USP11: variants seen among roughly 807,000 people sequenced by gnomAD.
USP11 encodes ubiquitin specific peptidase 11.
In USP11, 5 loss-of-function variants were observed where a neutral mutation model predicts 72.8. That is an observed-to-expected ratio of 0.07 (90% CI 0.04 to 0.14). The LOEUF is 0.14. Among genes scored for constraint, USP11 ranks in the 10% least tolerant of loss-of-function variants. USP11 has a pLI of 1.00. For synonymous variants in USP11, 368 were observed against 326.5 expected (o/e 1.13, Z -1.37); for missense variants, 480 against 794.7 (o/e 0.60, Z 4.76).
chrX:47,240,268 C>T (rs1032760214), intron 4 of USP11, 37 bp from the exon 5 acceptor site: 9 of 1,199,322 alleles, frequency 7.5e-6, no homozygotes, highest in Middle Eastern at 2.3e-4. Context: ...TTTTGGGTCT[C>T]ACAAAGATCT....
At chrX:47,239,958 A>G (rs924416789) in intron 4 of USP11, 51 bp downstream of exon 4, 3 of 1,106,505 alleles carry the variant, frequency 2.7e-6, no homozygotes, top group Admixed American at 2.2e-5. Context: ...ACTAGTCCCA[A>G]CTCAGTGACT....
rs149757747 is a variant in USP11, at chrX:47,233,024, G to A, written c.-20G>A. ...CCAATCTCGCACAGCTGCGTTGGCT[G>A]TAGAAGAGAACGGACGGCGATGGCG... On this transcript the variant is annotated 5_prime_UTR_variant, in exon 1 of 21. Transcript: ENST00000377107. The A allele has an allele frequency of 7.0e-4, 845 of 1,210,532 alleles. No individual in the cohort carries two copies. The highest frequency in any genetic ancestry group is 9.0e-4 in the Non-Finnish European group (808 of 895,324).
At chrX:47,247,473 G>A (rs1336425789) in intron 19 of USP11, 54 bp downstream of exon 19, 6 of 1,173,248 alleles carry the variant, frequency 5.1e-6, no homozygotes, top group African/African-American at 3.6e-5. Flanking sequence ...GCAGGGGGGC[G>A]ATCAGGACCT....
chrX:47,241,488 C>G (rs1307422504), intron 8 of USP11, 38 bp downstream of exon 8: 1 of 1,190,179 alleles, frequency 8.4e-7, no homozygotes, highest in South Asian at 1.9e-5. Flanking sequence ...CCCCCTACGT[C>G]TCTTGGCTCT....
At position 47,244,678 on chromosome X, in the gene USP11, C is replaced by T; in HGVS notation, c.1844-4C>T. ...TTCCCATCTCTGACATCCTCCTGTC[C>T]TAGAAGATGACGAGGAGGATAAAGA... On this transcript the variant is annotated splice_polypyrimidine_tract_variant and splice_region_variant and intron_variant, in intron 14 of 20. Coordinates refer to ENST00000377107, the MANE Select transcript of USP11 (RefSeq NM_001371072.1). 2 of 1,208,158 alleles carry T rather than the reference C, an allele frequency of 1.7e-6. No individual in the cohort carries two copies. The highest frequency in any genetic ancestry group is 2.2e-6 in the Non-Finnish European group (2 of 893,711).
chrX:47,241,376 G>A lies in USP11; in HGVS notation c.946G>A (p.Ala316Thr). The change falls in exon 8 of 21, where the codon GCA (alanine) becomes ACA (threonine). Residue 316 changes from alanine to threonine, a missense_variant. This residue lies in a region of USP11 where 314 missense variants were observed against 556.0 expected (regional missense o/e 0.56). Transcript: ENST00000377107. ...CCCACTGGGCATGAAGGGTGAGATCGCAGAGGCCTATGCAGACCTGGTGAA... is the reference window on the plus strand; with the variant it reads ...CCCACTGGGCATGAAGGGTGAGATCACAGAGGCCTATGCAGACCTGGTGAA... ...RNPLGMKGEI[A>T]EAYADLVKQA... 1.7e-6 allele frequency: 2 copies of A among 1,211,518 alleles called. No individual in the cohort carries two copies. Among genetic ancestry groups the A allele is most frequent in the South Asian group, 1.8e-5 (1 of 56,969 alleles).
intron 1 of USP11, chrX:47,234,025 C>T (rs1201360397): frequency 2.7e-5 from 3 of 111,547 alleles, no homozygotes; most frequent in African/African-American, 9.8e-5. Flanking sequence ...TTTGATAAAT[C>T]GGCTTGTTTT....
chrX:47,240,528 C>T, intron 5 of USP11, 59 bp from the exon 6 acceptor site: 1 of 1,208,341 alleles, frequency 8.3e-7, no homozygotes, highest in Non-Finnish European at 1.1e-6. Context: ...GAAATGAAGG[C>T]TAGGTACCCA....
intron 1 of USP11, among the ~76,000 whole-genome samples, chrX:47,234,671 A>C (rs1179708820): frequency 8.9e-6 from 1 of 112,210 alleles, no homozygotes; most frequent in Non-Finnish European, 1.9e-5. Context: ...AAATAAGTTC[A>C]GATCTATTGT....
In USP11 at chrX:47,248,155, C is replaced by T; in HGVS notation, c.*225C>T. ...GCCCCGCCTGTGTTTGCCCTTCCAG[C>T]AGTGACCCTCCCTTCTAGTCTTTAT... On this transcript the variant is annotated 3_prime_UTR_variant, in exon 21 of 21. Coordinates refer to ENST00000377107, the MANE Select transcript of USP11 (RefSeq NM_001371072.1). 2.3e-6 allele frequency: 1 copy of T among 442,794 alleles called. No homozygotes were observed. The allele number at this position is 442,794 out of a possible 1,213,427, so 36.5% of individuals were successfully genotyped here.
At position 47,244,481 on chromosome X, in the gene USP11, C is replaced by G. The variant is rs753835344; in HGVS notation, c.1791-17C>G. On this transcript the variant is annotated splice_polypyrimidine_tract_variant and intron_variant, in intron 13 of 20. Coordinates refer to ENST00000377107, the MANE Select transcript of USP11 (RefSeq NM_001371072.1). ...GTCCTTGTACCCGTCTTGGGAGTCTCCTCTGCTCTGTTGCAGACGCTACGT... is the reference window on the plus strand; with the variant it reads ...GTCCTTGTACCCGTCTTGGGAGTCTGCTCTGCTCTGTTGCAGACGCTACGT... The G allele has an allele frequency of 4.1e-5, 49 of 1,208,382 alleles. No homozygotes were observed. The highest frequency in any genetic ancestry group is 3.0e-5 in the East Asian group (1 of 33,724).
intron 1 of USP11, among the ~76,000 whole-genome samples, chrX:47,238,664 TAATG>T (rs961735355): frequency 1.8e-5 from 2 of 110,918 alleles, no homozygotes; most frequent in African/African-American, 6.6e-5. Flanking sequence ...AACAAACACA[TAATG>T]AATGGCTAAA....
chrX:47,243,749 T>C (rs201637103), intron 13 of USP11, 147 bp downstream of exon 13: 7 of 595,273 alleles, frequency 1.2e-5, no homozygotes, highest in Non-Finnish European at 1.8e-5. Flanking sequence ...GGGTTTTTTC[T>C]TTCTCTAGAC....
chrX:47,233,317 CG>C, intron 1 of USP11, 98 bp downstream of exon 1: 1 of 169,850 alleles, frequency 5.9e-6, no homozygotes. Flanking sequence ...AAAGCTGCTG[CG>C]GGGTGCGGGG....
Position 47,241,707 on chromosome X carries a change from G to A in USP11, c.1179+8G>A. The A allele has an allele frequency of 8.5e-7, 1 of 1,178,645 alleles. No individual in the cohort carries two copies. Among genetic ancestry groups the A allele is most frequent in the Non-Finnish European group, 1.1e-6 (1 of 880,509 alleles). On this transcript the variant is annotated splice_region_variant and intron_variant, in intron 9 of 20. Coordinates refer to ENST00000377107, the MANE Select transcript of USP11 (RefSeq NM_001371072.1). ...GCTGGGCGACCGGATCAGGTAGGCT[G>A]CCCCCGCATTTGCAGTCCAATTAAC... is the stretch of plus-strand genomic sequence containing the variant.
At chrX:47,237,643 A>T (rs2055378811) in intron 1 of USP11, among the ~76,000 whole-genome samples, 1 of 111,396 alleles carries the variant, frequency 9.0e-6, no homozygotes, top group Non-Finnish European at 1.9e-5. Context: ...ATGAGGTTAA[A>T]TTGCTTGAAA....
Position 47,241,597 on chromosome X carries a change from G to T in USP11, c.1077G>T (p.Gln359His), listed in dbSNP as rs2055403538. The T allele has an allele frequency of 3.3e-6, 4 of 1,208,425 alleles. No individual in the cohort carries two copies. Among genetic ancestry groups the T allele is most frequent in the Non-Finnish European group, 3.4e-6 (3 of 894,505 alleles). ...QFLGYQQHDS[Q>H]ELLSFLLDGL... ...TGGGCTACCAGCAGCATGACTCTCA[G>T]GAGCTGCTGTCATTCCTCCTGGACG... Residue 359 changes from glutamine to histidine, a missense_variant, in exon 9 of 21, where the codon CAG becomes CAT. Coordinates refer to ENST00000377107, the MANE Select transcript of USP11 (RefSeq NM_001371072.1).
At chrX:47,246,921 T>C in intron 17 of USP11, 151 bp from the exon 18 acceptor site, 2 of 695,047 alleles carry the variant, frequency 2.9e-6, no homozygotes, top group Non-Finnish European at 4.1e-6. Context: ...CTCGGGAGGC[T>C]GAGGCAGGAG....
At chrX:47,241,066 T>C in intron 7 of USP11, 190 bp downstream of exon 7, 1 of 559,063 alleles carries the variant, frequency 1.8e-6, no homozygotes, top group Admixed American at 3.8e-5. Flanking sequence ...CAGCTTGCCC[T>C]CATTTTCCCT....
Sources: gnomAD v4.1 joint callset for allele counts (sites outside exome capture counted in the v4.1 genomes callset) on GRCh38, gnomAD v4.1.1 for gene constraint, gnomAD v4.1.1 regional missense constraint, MANE v1.5 for transcripts, NCBI Gene and HGNC (gene_info 2026-07-23, HGNC 2026-07-21) for gene names.